The following KNCN variants were observed in gnomAD, a reference collection of about 807,000 sequenced individuals.
KNCN encodes the protein kinocilin.
A neutral mutation model predicts 10.4 loss-of-function variants in KNCN; 11 were observed. The observed-to-expected ratio is 1.06, with a 90% confidence interval of 0.67 to 1.75. The LOEUF (loss-of-function observed/expected upper bound fraction) is 1.75. Ranked by LOEUF, KNCN falls within the 40% of genes most tolerant of loss-of-function variation. The probability of loss-of-function intolerance (pLI) is 0.00; values close to 1 mark genes in which losing one functional copy is unlikely to be tolerated. For missense variants in KNCN, 172 were observed against 167.1 expected (o/e 1.03, Z -0.16); for synonymous variants, 67 against 71.6 (o/e 0.94, Z 0.33).
chr1:46,548,113 A>G (rs979398077), intron 3 of KNCN, among the ~76,000 whole-genome samples: 1 of 152,190 alleles, frequency 6.6e-6, no homozygotes, highest in African/African-American at 2.4e-5. Context: ...GGTCTTGGGC[A>G]TGTCACTAAA....
In KNCN at chr1:46,548,372, G is replaced by GT. The variant is rs558354190; in HGVS notation, c.296-564dup. ...GGGTGGAAGAACAAGGAGATGCCCA[G>GT]TTTGGGGTATGAACTTTAAACTGGG... is the stretch of plus-strand genomic sequence containing the variant. On this transcript the variant is annotated intron_variant, in intron 3 of 3. Coordinates refer to ENST00000481882, the MANE Select transcript of KNCN (RefSeq NM_001322255.2). Among the ~76,000 whole-genome samples, 5 of 152,222 alleles carry GT rather than the reference G, an allele frequency of 3.3e-5. No individual in the cohort carries two copies. In the South Asian group the frequency reaches 1.0e-3, roughly 32 times the overall value.
chr1:46,550,234 C>T (rs1667037405), intron 1 of KNCN, among the ~76,000 whole-genome samples: 1 of 152,052 alleles, frequency 6.6e-6, no homozygotes, highest in African/African-American at 2.4e-5. Context: ...GAAGGCCCCA[C>T]CTGCCTGGCT....
rs747930101 is a variant in KNCN, at chr1:46,547,596, C to T, written c.*134G>A. On this transcript the variant is annotated 3_prime_UTR_variant, in exon 4 of 4. Coordinates refer to ENST00000481882, the MANE Select transcript of KNCN (RefSeq NM_001322255.2). ...AGTGCAAAAGGCCCCATTCCAGACA[C>T]TGTTCCCAGCCGCTCTGGGGTCTGC... 8 of 753,262 alleles carry T rather than the reference C, an allele frequency of 1.1e-5. No individual in the cohort carries two copies. Among genetic ancestry groups the T allele is most frequent in the Admixed American group, 4.0e-5 (2 of 49,996 alleles). 46.7% of individuals were successfully genotyped at this position (753,262 alleles called of 1,614,324 possible). A position where few individuals can be genotyped will look rare whatever the true frequency, so the allele number is the denominator to read the frequency against.
At chr1:46,549,625 G>A (rs1667025380) in intron 2 of KNCN, 3 of 554,474 alleles carry the variant, frequency 5.4e-6, no homozygotes, top group Middle Eastern at 4.7e-4. Context: ...CTTTCATGGG[G>A]GCTCAGGGAT....
At position 46,547,201 on chromosome 1, in the gene KNCN, CAGG is replaced by C; in HGVS notation, c.*526_*528del. On this transcript the variant is annotated 3_prime_UTR_variant, in exon 4 of 4. Transcript: ENST00000481882. Reference sequence around the variant, plus strand: ...TCAGAGCCTGTCCCTGAGGAACTGCCAGGAGTTTTGATATTTGGAAAAGAATCT... The same window carrying C: ...TCAGAGCCTGTCCCTGAGGAACTGCCAGTTTTGATATTTGGAAAAGAATCT... 1 of 355,904 alleles carries C rather than the reference CAGG, an allele frequency of 2.8e-6. No individual in the cohort carries two copies. Among genetic ancestry groups the C allele is most frequent in the East Asian group, 7.4e-5 (1 of 13,530 alleles). The allele number at this position is 355,904 out of a possible 1,614,324, so 22.0% of individuals were successfully genotyped here.
rs1307199036 is a variant in KNCN, at chr1:46,547,279, C to G, written c.*451G>C. 2.4e-6 allele frequency: 1 copy of G among 416,274 alleles called. No homozygotes were observed. The highest frequency in any genetic ancestry group is 4.8e-6 in the Non-Finnish European group (1 of 208,112). 25.8% of individuals were successfully genotyped at this position (416,274 alleles called of 1,614,324 possible). ...TGAGCTCTAGAGCCCCTGGGCTAGACCGTGGGGGTGGAGGGTCCCTGTCTG... is the reference window on the plus strand; with the variant it reads ...TGAGCTCTAGAGCCCCTGGGCTAGAGCGTGGGGGTGGAGGGTCCCTGTCTG... On this transcript the variant is annotated 3_prime_UTR_variant, in exon 4 of 4. Coordinates refer to ENST00000481882, the MANE Select transcript of KNCN (RefSeq NM_001322255.2).
chr1:46,549,282 C>T lies in KNCN; in HGVS notation c.221-15G>A, dbSNP rs752905328. 3.2e-5 allele frequency: 51 copies of T among 1,586,720 alleles called. No homozygotes were observed. Among genetic ancestry groups the T allele is most frequent in the Non-Finnish European group, 4.3e-5 (50 of 1,168,196 alleles). Reference sequence around the variant, plus strand: ...TCTTAGGCTCCCTGCAGGATGAGACCACCCCAAGCCCCCTGATTACTGAGC... The same window carrying T: ...TCTTAGGCTCCCTGCAGGATGAGACTACCCCAAGCCCCCTGATTACTGAGC... On this transcript the variant is annotated splice_polypyrimidine_tract_variant and intron_variant, in intron 2 of 3. Transcript: ENST00000481882.
intron 2 of KNCN, chr1:46,549,645 GTTA>G: frequency 1.8e-6 from 1 of 566,776 alleles, no homozygotes; most frequent in Non-Finnish European, 3.1e-6. Flanking sequence ...TGGAGAGGGA[GTTA>G]TTTAGAGATG....
Position 46,546,564 on chromosome 1 carries a change from G to T in KNCN, c.*1166C>A, listed in dbSNP as rs1666946743. ...GAGGTCAAACAACTCTGCCTGGAGG[G>T]TGCAGGTGTGGAGGGAGGAACAATG... On this transcript the variant is annotated 3_prime_UTR_variant, in exon 4 of 4. Coordinates refer to ENST00000481882, the MANE Select transcript of KNCN (RefSeq NM_001322255.2). 9.2e-5 allele frequency: 14 copies of T among 152,308 alleles called. No homozygotes were observed. The highest frequency in any genetic ancestry group is 9.2e-4 in the Admixed American group (14 of 15,288). 9.4% of individuals were successfully genotyped at this position (152,308 alleles called of 1,614,324 possible). A position where few individuals can be genotyped will look rare whatever the true frequency, so the allele number is the denominator to read the frequency against.
At position 46,549,997 on chromosome 1, in the gene KNCN, G is replaced by C; in HGVS notation, c.157C>G (p.Leu53Val). 6.4e-7 allele frequency: 1 copy of C among 1,550,716 alleles called. No homozygotes were observed. Among genetic ancestry groups the C allele is most frequent in the Non-Finnish European group, 8.7e-7 (1 of 1,146,988 alleles). The stretch of plus-strand genomic sequence containing the variant: ...TTCAGGAAGGGGTAGGCCAAGATGA[G>C]GAGCCCTGAGAAGAGACACAGGGGG... ...VFIGAAVLGL[L>V]ILAYPFLKAR... The change falls in exon 2 of 4, where the codon CTC becomes GTC. Residue 53 changes from leucine (L) to valine (V), a missense_variant. By Grantham distance (32) the Leu-to-Val change is conservative. Transcript: ENST00000481882.
At chr1:46,548,249 G>T (rs1666988700) in intron 3 of KNCN, among the ~76,000 whole-genome samples, 1 of 152,172 alleles carries the variant, frequency 6.6e-6, no homozygotes, top group African/African-American at 2.4e-5. Context: ...TGTCTGGAAT[G>T]GGGCCTTTCA....
intron 3 of KNCN, 62 bp from the exon 4 acceptor site, chr1:46,547,871 GTCAGAGGAAC>G (rs1666981181): frequency 5.4e-6 from 7 of 1,302,048 alleles, no homozygotes; most frequent in Middle Eastern, 2.8e-4. Context: ...AGTTGTCAGG[GTCAGAGGAAC>G]TCAGAGGGAC....
Position 46,547,529 on chromosome 1 carries a change from C to A in KNCN, c.*201G>T. ...GGCGACACCTTGCTCCAGGTCCCAG[C>A]CCACACCAGTGGAATCCATTTTGGA... On this transcript the variant is annotated 3_prime_UTR_variant, in exon 4 of 4. Coordinates refer to ENST00000481882, the MANE Select transcript of KNCN (RefSeq NM_001322255.2). The A allele has an allele frequency of 1.4e-6, 1 of 705,136 alleles. No homozygotes were observed. Among genetic ancestry groups the A allele is most frequent in the Non-Finnish European group, 2.6e-6 (1 of 384,226 alleles). 43.7% of individuals were successfully genotyped at this position (705,136 alleles called of 1,614,324 possible). A position where few individuals can be genotyped will look rare whatever the true frequency, so the allele number is the denominator to read the frequency against.
At chr1:46,548,342 G>A (rs535949056) in intron 3 of KNCN, among the ~76,000 whole-genome samples, 16 of 152,276 alleles carry the variant, frequency 1.1e-4, no homozygotes, top group Non-Finnish European at 2.2e-4. Context: ...AACTTTCCAG[G>A]TGTGGGGTGG....
At position 46,551,281 on chromosome 1, in the gene KNCN, C is replaced by T; in HGVS notation, c.-66G>A. On this transcript the variant is annotated 5_prime_UTR_variant, in exon 1 of 4. Transcript: ENST00000481882. The surrounding 1 kb of genome is among the most constrained non-coding windows in gnomAD (Gnocchi z 4.0). ...GGCCCCAGAAAAGTCCTGGAAGTTT[C>T]TGGGCTCTTGGATGTCTCCTTGTTG... 1 of 1,544,064 alleles carries T rather than the reference C, an allele frequency of 6.5e-7. No individual in the cohort carries two copies. Among genetic ancestry groups the T allele is most frequent in the Non-Finnish European group, 8.7e-7 (1 of 1,149,252 alleles).
rs1201319543 is a variant in KNCN at position 46,547,470 on chromosome 1, G to A, written c.*260C>T. 1.5e-6 allele frequency: 1 copy of A among 683,124 alleles called. No individual in the cohort carries two copies. The highest frequency in any genetic ancestry group is 2.7e-6 in the Non-Finnish European group (1 of 371,934). 42.3% of individuals were successfully genotyped at this position (683,124 alleles called of 1,614,324 possible). ...AGTCCAGAAAGAAAGGCCAGGGCAG[G>A]AGCCTGAAACATGGGAACCCTGTGG... is the stretch of plus-strand genomic sequence containing the variant. On this transcript the variant is annotated 3_prime_UTR_variant, in exon 4 of 4. Coordinates refer to ENST00000481882, the MANE Select transcript of KNCN (RefSeq NM_001322255.2).
At position 46,550,333 on chromosome 1, in the gene KNCN, C is replaced by T. The variant is rs149041689; in HGVS notation, c.152-331G>A. 7.3e-5 allele frequency among the ~76,000 whole-genome samples: 11 copies of T among 151,124 alleles called. No individual in the cohort carries two copies. In the East Asian group the frequency reaches 2.1e-3, roughly 29 times the overall value. ...CTGCTGTCCCCACGCTTCCCCAGGGCCCCCAGGGCCGGACTGGGTGCTTGT... is the reference window on the plus strand; with the variant it reads ...CTGCTGTCCCCACGCTTCCCCAGGGTCCCCAGGGCCGGACTGGGTGCTTGT... On this transcript the variant is annotated intron_variant, in intron 1 of 3. Coordinates refer to ENST00000481882, the MANE Select transcript of KNCN (RefSeq NM_001322255.2).
At position 46,549,249 on chromosome 1, in the gene KNCN, G is replaced by A. The variant is rs750244356; in HGVS notation, c.239C>T (p.Pro80Leu). 1 of 1,613,098 alleles carries A rather than the reference G, an allele frequency of 6.2e-7. No homozygotes were observed. The highest frequency in any genetic ancestry group is 8.5e-7 in the Non-Finnish European group (1 of 1,179,440). The stretch of plus-strand genomic sequence containing the variant: ...TTCCCCGTGGTCTGCCCCTGGATGG[G>A]GATGGATTCTTAGGCTCCCTGCAGG... ...LPTIGSLRIHPHPGADHGEGR... is the reference protein window; with the variant it reads ...LPTIGSLRIHLHPGADHGEGR... The change falls in exon 3 of 4, where the codon CCC (proline) becomes CTC (leucine). Residue 80 changes from proline (P) to leucine (L), a missense_variant. By Grantham distance (98) the Pro-to-Leu change is moderately conservative. Transcript: ENST00000481882.
chr1:46,549,148 A>AC, intron 3 of KNCN, 45 bp downstream of exon 3: 1 of 1,443,252 alleles, frequency 6.9e-7, no homozygotes, highest in Non-Finnish European at 9.2e-7. Flanking sequence ...TCTCAAAAAA[A>AC]AAAAAGAAAA....
Sources: allele counts gnomAD v4.1 joint callset (sites outside exome capture counted in the v4.1 genomes callset), GRCh38; gene constraint gnomAD v4.1.1; non-coding constraint Gnocchi (gnomAD v3.1); transcripts MANE v1.5; gene names NCBI Gene and HGNC (gene_info 2026-07-23, HGNC 2026-07-21).